RBFOX1: variants seen among roughly 807,000 people sequenced by gnomAD.
RBFOX1 encodes RNA binding fox-1 homolog 1.
RBFOX1 carries 8 observed loss-of-function variants against 57.7 expected under a neutral mutation model. The ratio of observed to expected loss-of-function variants is 0.14; its 90% CI spans 0.08 to 0.25. The LOEUF is 0.25. RBFOX1 is among the 10% of genes least tolerant of loss of function. RBFOX1 has a pLI of 1.00. For synonymous variants in RBFOX1, 326 were observed against 222.4 expected, an observed-to-expected ratio of 1.47 and a Z score of -4.15; for missense variants, 611 against 548.5, an observed-to-expected ratio of 1.11 and a Z score of -1.14.
At chr16:6,210,814 T>C (rs1471087535) in intron 1 of RBFOX1, among the ~76,000 whole-genome samples, 1 of 152,176 alleles carries the variant, frequency 6.6e-6, no homozygotes, top group Non-Finnish European at 1.5e-5. Context: ...TTCAAAGACA[T>C]GGGCACAGAC....
At chr16:5,733,618 C>T (rs1042224244) in intron 3 of RBFOX1, among the ~76,000 whole-genome samples, 4 of 152,128 alleles carry the variant, frequency 2.6e-5, no homozygotes, top group East Asian at 1.9e-4. Context: ...CCCAAGGTGC[C>T]TCATGATGTT....
intron 2 of RBFOX1, among the ~76,000 whole-genome samples, chr16:6,631,590 A>G (rs1269540719): frequency 6.6e-6 from 1 of 152,174 alleles, no homozygotes; most frequent in African/African-American, 2.4e-5. Flanking sequence ...CTCTGCTTTC[A>G]TGGAGCTAAG....
intron 2 of RBFOX1, among the ~76,000 whole-genome samples, chr16:5,510,413 A>T (rs528228069): frequency 6.6e-6 from 1 of 152,284 alleles, no homozygotes; most frequent in African/African-American, 2.4e-5. Flanking sequence ...GGCAGGGCCT[A>T]TGGATCTCGT....
chr16:7,070,385 C>G (rs1278156788), intron 4 of RBFOX1, among the ~76,000 whole-genome samples: 1 of 152,162 alleles, frequency 6.6e-6, no homozygotes, highest in Non-Finnish European at 1.5e-5. Context: ...CAGATGCACC[C>G]ACGCATACAC....
chr16:7,060,341 G>C (rs2053865559), intron 4 of RBFOX1, among the ~76,000 whole-genome samples: 1 of 152,132 alleles, frequency 6.6e-6, no homozygotes, highest in African/African-American at 2.4e-5. Context: ...TATGTGGGAA[G>C]GTTAATGAGG....
At chr16:7,138,648 C>T (rs563119044) in intron 4 of RBFOX1, among the ~76,000 whole-genome samples, 4 of 152,140 alleles carry the variant, frequency 2.6e-5, no homozygotes, top group Non-Finnish European at 5.9e-5. Flanking sequence ...CTGGGGCCTA[C>T]AAAGGTGAAG....
intron 2 of RBFOX1, among the ~76,000 whole-genome samples, chr16:6,628,804 A>C (rs1487971064): frequency 6.6e-6 from 1 of 152,166 alleles, no homozygotes; most frequent in African/African-American, 2.4e-5. Flanking sequence ...TTTAGGTATG[A>C]TCTGTATGTT....
At chr16:6,384,076 T>C (rs886902518) in intron 2 of RBFOX1, among the ~76,000 whole-genome samples, 24 of 151,122 alleles carry the variant, frequency 1.6e-4, no homozygotes, top group Admixed American at 9.2e-4. Flanking sequence ...TTTTTTTTTT[T>C]TTCTTCTAAG....
At chr16:7,226,036 G>A (rs1310904768) in intron 4 of RBFOX1, among the ~76,000 whole-genome samples, 1 of 151,758 alleles carries the variant, frequency 6.6e-6, no homozygotes, top group African/African-American at 2.4e-5. Flanking sequence ...TTTTCTTGGC[G>A]TCCACTTTAT....
intron 14 of RBFOX1, among the ~76,000 whole-genome samples, chr16:7,677,553 G>A (rs1035375742): frequency 6.6e-6 from 1 of 152,146 alleles, no homozygotes; most frequent in Non-Finnish European, 1.5e-5. Flanking sequence ...TATCACCCAG[G>A]CTGAACAGAT....
intron 1 of RBFOX1, among the ~76,000 whole-genome samples, chr16:6,238,169 G>A (rs2097521369): frequency 6.6e-6 from 1 of 151,398 alleles, no homozygotes; most frequent in South Asian, 2.1e-4. Context: ...TGAAGTATCT[G>A]CCACTTAGAT....
chr16:6,491,157 A>G (rs1046597496), intron 2 of RBFOX1, among the ~76,000 whole-genome samples: 7 of 151,980 alleles, frequency 4.6e-5, no homozygotes, highest in African/African-American at 7.2e-5. Flanking sequence ...TGTATAGACT[A>G]GAAGCTACAT....
intron 1 of RBFOX1, among the ~76,000 whole-genome samples, chr16:6,293,850 A>C (rs1344615628): frequency 2.8e-5 from 3 of 105,434 alleles, no homozygotes; most frequent in Non-Finnish European, 4.2e-5. Context: ...TTCATATGCC[A>C]ATGTTCCTGG....
chr16:5,874,150 A>C (rs1485966415), intron 4 of RBFOX1, among the ~76,000 whole-genome samples: 1 of 152,228 alleles, frequency 6.6e-6, no homozygotes, highest in Admixed American at 6.5e-5. Context: ...TCGTGCCATC[A>C]TTAGTGTCCT....
chr16:7,441,307 A>G (rs1398152617), intron 4 of RBFOX1, among the ~76,000 whole-genome samples: 1 of 152,228 alleles, frequency 6.6e-6, no homozygotes, highest in African/African-American at 2.4e-5. Flanking sequence ...CTGTTAGCAT[A>G]TTAGTTCCAT....
At chr16:6,103,709 G>C (rs1042972253) in intron 1 of RBFOX1, among the ~76,000 whole-genome samples, 7 of 152,132 alleles carry the variant, frequency 4.6e-5, no homozygotes, top group Non-Finnish European at 1.0e-4. Context: ...TGGAGGTCAA[G>C]TCTGGAGTGG....
chr16:5,980,171 C>T (rs113213713), intron 4 of RBFOX1, among the ~76,000 whole-genome samples: 1 of 152,212 alleles, frequency 6.6e-6, no homozygotes, highest in Non-Finnish European at 1.5e-5. Flanking sequence ...TATTTAGCTT[C>T]GGGCATAAAG....
chr16:6,359,989 A>G (rs564064793), intron 2 of RBFOX1, among the ~76,000 whole-genome samples: 1 of 152,348 alleles, frequency 6.6e-6, no homozygotes, highest in Admixed American at 6.5e-5. Flanking sequence ...TGTTAATTAG[A>G]GAATGTAGTG....
chr16:6,999,225 A>ATTTTTTTTTTTTTTTTTTTTTTT (rs200620958), intron 3 of RBFOX1, among the ~76,000 whole-genome samples: 4 of 122,954 alleles, frequency 3.3e-5, no homozygotes, highest in Admixed American at 8.6e-5. Context: ...TATTTTTTTT[A>ATTTTTTTTTTTTTTTTTTTTTTT]TTTATTTTTT....
Sources: allele counts gnomAD v4.1 joint callset (sites outside exome capture counted in the v4.1 genomes callset), GRCh38; gene constraint gnomAD v4.1.1; transcripts MANE v1.5; gene names NCBI Gene and HGNC (gene_info 2026-07-23, HGNC 2026-07-21).